The following TRIM73 variants were observed in gnomAD, a reference collection of about 807,000 sequenced individuals.
The protein encoded by TRIM73 is tripartite motif-containing protein 73.
For synonymous variants in TRIM73, 8 were observed against 115.4 expected, an observed-to-expected ratio of 0.07 and a Z score of 5.97; for missense variants, 17 against 272.5, an observed-to-expected ratio of 0.06 and a Z score of 6.60.
intron 2 of TRIM73, chr7:75,402,690 C>CTT (rs1304723755): frequency 2.4e-3 from 4 of 1,634 alleles, no homozygotes; most frequent in African/African-American, 9.1e-3. Flanking sequence ...GCGCCCGGCC[C>CTT]AGAATATTCT....
intron 1 of TRIM73, among the ~76,000 whole-genome samples, chr7:75,396,202 C>CTGATTGAT (rs1247965597): frequency 1.5e-4 from 23 of 152,090 alleles, no homozygotes; most frequent in African/African-American, 3.4e-4. Flanking sequence ...AGACAAGACA[C>CTGATTGAT]TGATTGATTG....
At chr7:75,399,043 A>C (rs1788940699) in exon 2 of TRIM73, 1 of 1,611,240 alleles carries the variant, frequency 6.2e-7, no homozygotes, top group Non-Finnish European at 8.5e-7. Context: ...TCCTACTGCA[A>C]GGGCTGCCTG....
At chr7:75,401,285 G>A (rs1301109423) in intron 2 of TRIM73, among the ~76,000 whole-genome samples, 1 of 60,630 alleles carries the variant, frequency 1.6e-5, no homozygotes, top group Non-Finnish European at 3.1e-5. Flanking sequence ...GGGAAGGAGG[G>A]AGGGAACAGG....
intron 1 of TRIM73, among the ~76,000 whole-genome samples, chr7:75,397,461 T>TA (rs1195575232): frequency 1.6e-4 from 1 of 6,286 alleles, no homozygotes; most frequent in Non-Finnish European, 3.6e-4. Context: ...AACAATAAAA[T>TA]AAAAAAAAAA....
chr7:75,401,416 C>G (rs1484873717), intron 2 of TRIM73, among the ~76,000 whole-genome samples: 1 of 85,642 alleles, frequency 1.2e-5, no homozygotes, highest in African/African-American at 5.1e-5. Flanking sequence ...TTTGTCCAGG[C>G]TGGACTCAAA....
chr7:75,397,299 TAA>T (rs1198324287), intron 1 of TRIM73, among the ~76,000 whole-genome samples: 7 of 114 alleles, frequency 0.061, no homozygotes, highest in South Asian at 0.12. Context: ...TTCAAATCTT[TAA>T]AAAAAAAAAA....
chr7:75,399,412 CA>C, intron 2 of TRIM73, 80 bp downstream of exon 2: 1 of 373,202 alleles, frequency 2.7e-6, no homozygotes, highest in East Asian at 4.1e-5. Flanking sequence ...CAACTGGCAC[CA>C]AAACGGATCC....
intron 2 of TRIM73, chr7:75,402,388 T>G (rs1220753935): frequency 2.3e-5 from 3 of 131,186 alleles, no homozygotes; most frequent in African/African-American, 8.5e-5. Context: ...ATGCAGAATA[T>G]TCTCTTTTTT....
chr7:75,402,323 T>A, intron 2 of TRIM73: 1 of 71,340 alleles, frequency 1.4e-5, no homozygotes, highest in Admixed American at 1.6e-4. Context: ...TGTCTCCATG[T>A]CATGCACAGG....
At chr7:75,397,516 AAG>A (rs1362293751) in intron 1 of TRIM73, among the ~76,000 whole-genome samples, 1 of 15,518 alleles carries the variant, frequency 6.4e-5, no homozygotes, top group Non-Finnish European at 1.3e-4. Flanking sequence ...ATTAGAAAAA[AAG>A]AGAGAGAGAA....
At chr7:75,402,453 C>A (rs1316091953) in intron 2 of TRIM73, 3 of 81,590 alleles carry the variant, frequency 3.7e-5, no homozygotes, top group East Asian at 6.9e-4. Flanking sequence ...GTGCAGTGGG[C>A]GATCTCGGCT....
intron 1 of TRIM73, among the ~76,000 whole-genome samples, chr7:75,396,089 C>G (rs1455528216): frequency 4.1e-5 from 6 of 145,690 alleles, no homozygotes; most frequent in African/African-American, 1.5e-4. Context: ...GGTGAGGACA[C>G]GAGAGCCACC....
At chr7:75,405,120 T>G in intron 4 of TRIM73, 51 bp downstream of exon 4, 1 of 1,599,810 alleles carries the variant, frequency 6.3e-7, no homozygotes, top group East Asian at 2.3e-5. Context: ...GGCCTTCCCC[T>G]TCCCAACAGT....
intron 4 of TRIM73, 42 bp downstream of exon 4, chr7:75,405,111 GC>G (rs782200015): frequency 5.0e-6 from 8 of 1,603,546 alleles, no homozygotes; most frequent in Non-Finnish European, 6.8e-6. Context: ...ACCCGCCAGG[GC>G]CTTCCCCTTC....
At position 75,398,678 on chromosome 7, in the gene TRIM73, C is replaced by A; in HGVS notation, c.-18-238C>A. 4.6e-5 allele frequency among the ~76,000 whole-genome samples: 2 copies of A among 43,206 alleles called. 1 individual carries two copies. Among genetic ancestry groups the A allele is most frequent in the Non-Finnish European group, 1.5e-4 (2 of 13,726 alleles). 28.3% of individuals were successfully genotyped at this position (43,206 alleles called of 152,430 possible). A position where few individuals can be genotyped will look rare whatever the true frequency, so the allele number is the denominator to read the frequency against. On this transcript the variant is annotated intron_variant, in intron 1 of 4. Transcript: ENST00000323819. Reference sequence around the variant, plus strand: ...CAAATTTGAGTAAAAAATGTAGACACACACACACACACACACACACACACA... The same window carrying A: ...CAAATTTGAGTAAAAAATGTAGACAAACACACACACACACACACACACACA...
intron 1 of TRIM73, among the ~76,000 whole-genome samples, chr7:75,397,653 C>CA (rs1440163323): frequency 2.8e-5 from 2 of 72,092 alleles, no homozygotes; most frequent in African/African-American, 7.6e-5. Flanking sequence ...CCGGTATCTA[C>CA]AAAAAAAATT....
intron 2 of TRIM73, among the ~76,000 whole-genome samples, chr7:75,401,132 G>A (rs1418892841): frequency 1.1e-4 from 1 of 9,284 alleles, no homozygotes; most frequent in African/African-American, 6.0e-4. Flanking sequence ...AGGAGATCAC[G>A]TGTGTGAAAT....
exon 1 of TRIM73, chr7:75,395,662 G>C (rs1365755827): frequency 4.0e-6 from 2 of 504,530 alleles, no homozygotes; most frequent in African/African-American, 5.0e-5. Flanking sequence ...AGCGCCAGGC[G>C]GGGCATGTAA....
chr7:75,399,108 GTGGTGGACGGCAGCAGCTCC>G lies in TRIM73; in HGVS notation c.177_196del (p.Val60AlafsTer76), dbSNP rs1554467503. On this transcript the variant is annotated frameshift_variant, in exon 2 of 5. Coordinates refer to ENST00000323819, the Ensembl canonical transcript of TRIM73. LOFTEE classifies it high-confidence loss of function. ...GGTGCGCTGCCCCATGTGCTGGCAGGTGGTGGACGGCAGCAGCTCCTTGCCCAACGTCTCCCTGGCCTGGG... is the reference window on the plus strand; with the variant it reads ...GGTGCGCTGCCCCATGTGCTGGCAGGTTGCCCAACGTCTCCCTGGCCTGGG... The G allele has an allele frequency of 2.6e-6, 4 of 1,550,864 alleles. No individual in the cohort carries two copies. The East Asian group carries it at 9.5e-5, about 37-fold the overall frequency.
Sources: allele counts gnomAD v4.1 joint callset (sites outside exome capture counted in the v4.1 genomes callset), GRCh38; gene constraint gnomAD v4.1.1; transcripts MANE v1.5; gene names NCBI Gene and HGNC (gene_info 2026-07-23, HGNC 2026-07-21).